The following SOHLH1 variants were observed in gnomAD, a reference collection of about 807,000 sequenced individuals.
SOHLH1 encodes the protein spermatogenesis- and oogenesis-specific basic helix-loop-helix-containing protein 1.
Under a neutral mutation model 36.2 loss-of-function variants are expected in SOHLH1, and 23 were observed. The ratio of observed to expected loss-of-function variants is 0.64; its 90% CI spans 0.46 to 0.90. SOHLH1 has a LOEUF of 0.90. Ranked by LOEUF, SOHLH1 falls within the 40% of genes least tolerant of loss-of-function variation. The pLI is 0.00. For missense variants in SOHLH1, 608 were observed against 517.0 expected, an observed-to-expected ratio of 1.18 and a Z score of -1.71; for synonymous variants, 289 against 228.3, an observed-to-expected ratio of 1.27 and a Z score of -2.40.
At chr9:135,697,409 T>C in intron 4 of SOHLH1, 97 bp downstream of exon 4, 1 of 1,545,886 alleles carries the variant, frequency 6.5e-7, no homozygotes, top group South Asian at 1.1e-5. Flanking sequence ...AAGCCGGGCC[T>C]CCAGGCCACA....
At position 135,695,373 on chromosome 9, in the gene SOHLH1, C is replaced by T. The variant is rs547376090; in HGVS notation, c.662-110G>A. 7.2e-6 allele frequency: 7 copies of T among 975,820 alleles called. No individual in the cohort carries two copies. The Admixed American group carries it at 8.1e-5, about 11-fold the overall frequency. The allele number at this position is 975,820 out of a possible 1,614,324, so 60.4% of individuals were successfully genotyped here. On this transcript the variant is annotated intron_variant, in intron 5 of 7. Coordinates refer to ENST00000425225, the MANE Select transcript of SOHLH1 (RefSeq NM_001101677.2). ...TCCACTCACACTGACCGAGCACCTG[C>T]TCTGCTGCCTGCACCCTGCAGCAGG...
At chr9:135,698,060 G>A (rs1021591372) in intron 3 of SOHLH1, among the ~76,000 whole-genome samples, 28 of 152,080 alleles carry the variant, frequency 1.8e-4, no homozygotes, top group African/African-American at 6.5e-4. Flanking sequence ...AAATTGGCAC[G>A]GAGCATCTCG....
upstream of SOHLH1, among the ~76,000 whole-genome samples, chr9:135,701,827 G>C (rs1298759320): frequency 6.6e-6 from 1 of 152,214 alleles, no homozygotes; most frequent in Non-Finnish European, 1.5e-5. Flanking sequence ...TGGGCGCAGC[G>C]GCTGGACGCT....
At position 135,694,471 on chromosome 9, in the gene SOHLH1, G is replaced by C; in HGVS notation, c.876-14C>G. 1 of 1,612,076 alleles carries C rather than the reference G, an allele frequency of 6.2e-7. No individual in the cohort carries two copies. The highest frequency in any genetic ancestry group is 1.1e-5 in the South Asian group (1 of 91,060). ...CCCAACGCAGACCTGGAAGCGACAA[G>C]CTCTTCCTCAGTGGCCACAAGCGGA... On this transcript the variant is annotated splice_polypyrimidine_tract_variant and intron_variant, in intron 6 of 7. Transcript: ENST00000425225.
upstream of SOHLH1, chr9:135,702,072 G>A: frequency 1.8e-6 from 1 of 546,150 alleles, no homozygotes. Context: ...GGCCAGAGCC[G>A]CCGCGGGTCC....
Position 135,693,415 on chromosome 9 carries a change from C to T in SOHLH1, c.*182G>A, listed in dbSNP as rs973867029. 1.3e-5 allele frequency: 11 copies of T among 852,218 alleles called. No homozygotes were observed. Among genetic ancestry groups the T allele is most frequent in the East Asian group, 2.7e-5 (1 of 36,674 alleles). 52.8% of individuals were successfully genotyped at this position (852,218 alleles called of 1,614,324 possible). A position where few individuals can be genotyped will look rare whatever the true frequency, so the allele number is the denominator to read the frequency against. On this transcript the variant is annotated 3_prime_UTR_variant, in exon 8 of 8. Coordinates refer to ENST00000425225, the MANE Select transcript of SOHLH1 (RefSeq NM_001101677.2). ...CACAGAAGCCACACAGGTTTTGCTTCCTCCAGGAAAACTGCTTTCCCTCTT... is the reference window on the plus strand; with the variant it reads ...CACAGAAGCCACACAGGTTTTGCTTTCTCCAGGAAAACTGCTTTCCCTCTT...
chr9:135,699,470 A>T lies in SOHLH1; in HGVS notation c.-3T>A. ...GGCTCGGAGCACCGGGACGCCATGA[A>T]CTCGCAGCTGCGGAGCGACCCCACG... On this transcript the variant is annotated 5_prime_UTR_variant, in exon 1 of 8. Coordinates refer to ENST00000425225, the MANE Select transcript of SOHLH1 (RefSeq NM_001101677.2). The T allele has an allele frequency of 6.2e-7, 1 of 1,611,770 alleles. No homozygotes were observed. Among genetic ancestry groups the T allele is most frequent in the Non-Finnish European group, 8.5e-7 (1 of 1,179,644 alleles).
chr9:135,699,723 G>A (rs541212604), upstream of SOHLH1, among the ~76,000 whole-genome samples: 1 of 152,194 alleles, frequency 6.6e-6, no homozygotes, highest in East Asian at 1.9e-4. Flanking sequence ...CCCGCAGGAC[G>A]CCAGGGGAAG....
At position 135,696,782 on chromosome 9, in the gene SOHLH1, A is replaced by C. The variant is rs1316072288; in HGVS notation, c.491T>G (p.Leu164Arg). Residue 164 changes from leucine (L) to arginine (R), a missense_variant, in exon 5 of 8, where the codon CTG becomes CGG. By Grantham distance (102) the Leu-to-Arg change is moderately radical (BLOSUM62 -2). Coordinates refer to ENST00000425225, the MANE Select transcript of SOHLH1 (RefSeq NM_001101677.2). ...GTRTPDVKAF[L>R]ESPWSLDPAS... ...TGGATCCAGGGACCAAGGACTTTCCAGAAACGCCTTCACATCTGGGGTTCT... is the reference window on the plus strand; with the variant it reads ...TGGATCCAGGGACCAAGGACTTTCCCGAAACGCCTTCACATCTGGGGTTCT... 2 of 1,613,056 alleles carry C rather than the reference A, an allele frequency of 1.2e-6. No homozygotes were observed. The highest frequency in any genetic ancestry group is 2.2e-5 in the South Asian group (2 of 91,086).
intron 4 of SOHLH1, among the ~76,000 whole-genome samples, chr9:135,697,247 A>C (rs1249205927): frequency 6.6e-6 from 1 of 152,132 alleles, no homozygotes; most frequent in East Asian, 1.9e-4. Flanking sequence ...AGCAGAAGAG[A>C]TCCTCCCGGG....
In SOHLH1 at chr9:135,699,011, T is replaced by C; in HGVS notation, c.181A>G (p.Ser61Gly). ...PSSCLRRNVI[S>G]ERERRKRMSL... is the part of the protein sequence containing the mutation. Reference sequence around the variant, plus strand: ...ACCACTCACCTGCGCTCCCTCTCGCTGATCACGTTCCGCCGAAGGCAGGAG... The same window carrying C: ...ACCACTCACCTGCGCTCCCTCTCGCCGATCACGTTCCGCCGAAGGCAGGAG... Residue 61 changes from serine to glycine, a missense_variant, in exon 2 of 8, where the codon AGC (serine) becomes GGC (glycine). Coordinates refer to ENST00000425225, the MANE Select transcript of SOHLH1 (RefSeq NM_001101677.2). 1 of 1,611,588 alleles carries C rather than the reference T, an allele frequency of 6.2e-7. No homozygotes were observed. The highest frequency in any genetic ancestry group is 8.5e-7 in the Non-Finnish European group (1 of 1,179,726).
rs538527711 is a variant in SOHLH1 at position 135,698,853 on chromosome 9, G to A, written c.197+142C>T. On this transcript the variant is annotated intron_variant, in intron 2 of 7. Transcript: ENST00000425225. ...CCAACAGGGCTTTTCTGGTTTACTT[G>A]GAGATGTGCAGTCTGTCCTTCTCCT... 1.8e-3 allele frequency: 2,200 copies of A among 1,206,498 alleles called. 5 individuals carry two copies. Among genetic ancestry groups the A allele is most frequent in the Non-Finnish European group, 2.4e-3 (1,983 of 827,042 alleles). 74.7% of individuals were successfully genotyped at this position (1,206,498 alleles called of 1,614,324 possible).
upstream of SOHLH1, among the ~76,000 whole-genome samples, chr9:135,700,921 G>C (rs549657896): frequency 6.6e-6 from 1 of 152,170 alleles, no homozygotes; most frequent in Non-Finnish European, 1.5e-5. Context: ...TAAAGCCCTC[G>C]GAATGTCATC....
At chr9:135,700,114 C>T (rs1040040231), upstream of SOHLH1, among the ~76,000 whole-genome samples, 1 of 152,202 alleles carries the variant, frequency 6.6e-6, no homozygotes, top group African/African-American at 2.4e-5. Flanking sequence ...CCGCTGAGCT[C>T]TGCCGGGCAC....
At chr9:135,696,316 G>A (rs1469734713) in intron 5 of SOHLH1, among the ~76,000 whole-genome samples, 1 of 152,140 alleles carries the variant, frequency 6.6e-6, no homozygotes, top group African/African-American at 2.4e-5. Context: ...GGAAGTCCCA[G>A]GAGGAGACAG....
At chr9:135,693,841 G>GGGCA (rs1287621224) in intron 7 of SOHLH1, 27 bp from the exon 8 acceptor site, 1 of 1,531,198 alleles carries the variant, frequency 6.5e-7, no homozygotes, top group Non-Finnish European at 8.8e-7. Context: ...CACATCGGCA[G>GGGCA]GGCAGGCAGG....
chr9:135,695,006 C>T (rs759790274), intron 6 of SOHLH1, 44 bp downstream of exon 6: 56 of 1,540,822 alleles, frequency 3.6e-5, no homozygotes, highest in Non-Finnish European at 4.8e-5. Flanking sequence ...CACACACATG[C>T]TCGCTCACGC....
upstream of SOHLH1, chr9:135,699,663 T>A (rs1834966904): frequency 4.6e-6 from 3 of 647,594 alleles, no homozygotes; most frequent in African/African-American, 5.5e-5. Context: ...CCCGCGTTCC[T>A]GCAAAGAAGG....
At chr9:135,699,209 T>C (rs367890299) in intron 1 of SOHLH1, 83 bp from the exon 2 acceptor site, 2 of 1,544,352 alleles carry the variant, frequency 1.3e-6, no homozygotes, top group Non-Finnish European at 1.7e-6. Context: ...TGGGCGTCTT[T>C]GGGGTGCGGG....
Sources: allele counts gnomAD v4.1 joint callset (sites outside exome capture counted in the v4.1 genomes callset), GRCh38; gene constraint gnomAD v4.1.1; transcripts MANE v1.5; gene names NCBI Gene and HGNC (gene_info 2026-07-23, HGNC 2026-07-21).